The following TAGLN3 variants were observed in gnomAD, a reference collection of about 807,000 sequenced individuals.
TAGLN3 encodes transgelin 3.
In TAGLN3, 12 loss-of-function variants were observed where a neutral mutation model predicts 25.4. The ratio of observed to expected loss-of-function variants is 0.47; its 90% CI spans 0.30 to 0.77. The LOEUF (loss-of-function observed/expected upper bound fraction) is 0.77. Among genes scored for constraint, TAGLN3 ranks in the 30% least tolerant of loss-of-function variants. TAGLN3 has a pLI of 0.06. For missense variants in TAGLN3, 218 were observed against 255.8 expected, an observed-to-expected ratio of 0.85 and a Z score of 1.01; for synonymous variants, 96 against 94.8, an observed-to-expected ratio of 1.01 and a Z score of -0.08.
chr3:112,000,915 C>T lies in TAGLN3; in HGVS notation c.324C>T (p.Thr108=), dbSNP rs369661291. 2.7e-5 allele frequency: 43 copies of T among 1,613,968 alleles called. No individual in the cohort carries two copies. The highest frequency in any genetic ancestry group is 3.3e-5 in the South Asian group (3 of 91,074). Residue 108 remains threonine, a synonymous_variant, in exon 3 of 5, where the codon ACC becomes ACT. Transcript: ENST00000478951. The part of the protein sequence containing the change: ...KAAETYGVRT[T]DIFQTVDLWE... Reference sequence around the variant, plus strand: ...CGGAGACCTATGGTGTCAGAACCACCGACATCTTTCAGACGGTGGATCTAT... The same window carrying T: ...CGGAGACCTATGGTGTCAGAACCACTGACATCTTTCAGACGGTGGATCTAT...
rs769276086 is a variant in TAGLN3 at position 111,999,682 on chromosome 3, C to A, written c.180+80C>A. On this transcript the variant is annotated intron_variant, in intron 2 of 4. Transcript: ENST00000478951. ...GGCCCTTTCTTTTAACGTAAGGCTGCGGGAAGAGCTGCTGTTGCCAAGCTC... is the reference window on the plus strand; with the variant it reads ...GGCCCTTTCTTTTAACGTAAGGCTGAGGGAAGAGCTGCTGTTGCCAAGCTC... 16 of 1,521,326 alleles carry A rather than the reference C, an allele frequency of 1.1e-5. No individual in the cohort carries two copies. The Admixed American group carries it at 3.0e-4, about 28-fold the overall frequency. 94.2% of individuals were successfully genotyped at this position (1,521,326 alleles called of 1,614,324 possible). A position where few individuals can be genotyped will look rare whatever the true frequency, so the allele number is the denominator to read the frequency against.
intron 4 of TAGLN3, among the ~76,000 whole-genome samples, 160 bp from the exon 5 acceptor site, chr3:112,013,250 G>A (rs1462253447): frequency 6.7e-6 from 1 of 149,820 alleles, no homozygotes; most frequent in Non-Finnish European, 1.5e-5. Context: ...TGCAGGGTAG[G>A]GCCATAGCTC....
At chr3:112,006,713 G>A (rs1394659205) in intron 3 of TAGLN3, among the ~76,000 whole-genome samples, 2 of 152,110 alleles carry the variant, frequency 1.3e-5, no homozygotes, top group African/African-American at 4.8e-5. Context: ...ACACCCAAAT[G>A]ACTTCTCTTT....
At chr3:112,011,222 T>C (rs1395672113) in intron 3 of TAGLN3, among the ~76,000 whole-genome samples, 1 of 152,220 alleles carries the variant, frequency 6.6e-6, no homozygotes, top group African/African-American at 2.4e-5. Context: ...CATGGGTTAA[T>C]GGTCACTGGG....
chr3:112,004,912 T>C (rs914195989), intron 3 of TAGLN3, among the ~76,000 whole-genome samples: 1 of 152,184 alleles, frequency 6.6e-6, no homozygotes, highest in Non-Finnish European at 1.5e-5. Context: ...GTGGAGCTTG[T>C]ACCTCATCAG....
At chr3:112,008,803 G>A (rs531806654) in intron 3 of TAGLN3, among the ~76,000 whole-genome samples, 1 of 152,308 alleles carries the variant, frequency 6.6e-6, no homozygotes, top group South Asian at 2.1e-4. Context: ...GTGTTATTTA[G>A]AATTTTGGCA....
chr3:111,999,601 C>A lies in TAGLN3; in HGVS notation c.179C>A (p.Thr60Lys), dbSNP rs1559941173. ...TTTCAGAAATGGTTAATGGACGGGA[C>A]GGTAAGGCCGGCAGCGATCTCGGTT... ...AHFQKWLMDG[T>K]VLCKLINSLY... The change falls in exon 2 of 5, where the codon ACG becomes AAG. Residue 60 changes from threonine to lysine, a missense_variant and splice_region_variant. Coordinates refer to ENST00000478951, the MANE Select transcript of TAGLN3 (RefSeq NM_001008272.2). 4 of 1,612,426 alleles carry A rather than the reference C, an allele frequency of 2.5e-6. No homozygotes were observed. Among genetic ancestry groups the A allele is most frequent in the Admixed American group, 3.3e-5 (2 of 59,988 alleles).
chr3:112,002,149 A>G (rs1299792539), intron 3 of TAGLN3, among the ~76,000 whole-genome samples: 1 of 152,198 alleles, frequency 6.6e-6, no homozygotes, highest in Non-Finnish European at 1.5e-5. Context: ...GTAATTTCAC[A>G]GTTGAGATTT....
At chr3:112,001,594 AC>A (rs1356053858) in intron 3 of TAGLN3, among the ~76,000 whole-genome samples, 1 of 152,182 alleles carries the variant, frequency 6.6e-6, no homozygotes, top group African/African-American at 2.4e-5. Context: ...AGAATTTGGG[AC>A]CTATGGTCAT....
At chr3:112,000,661 C>A in intron 2 of TAGLN3, 111 bp from the exon 3 acceptor site, 2 of 1,245,208 alleles carry the variant, frequency 1.6e-6, no homozygotes, top group Non-Finnish European at 2.3e-6. Flanking sequence ...CCATGACTTG[C>A]TCCTGCCCAA....
chr3:112,012,225 TCCCTCCCTC>T (rs2072984340), intron 4 of TAGLN3, among the ~76,000 whole-genome samples: 2 of 79,368 alleles, frequency 2.5e-5, no homozygotes, highest in African/African-American at 1.0e-4. Flanking sequence ...GCTGCTTCCC[TCCCTCCCTC>T]CCTCCCTCCC....
At chr3:112,004,133 TTGC>T (rs1225991413) in intron 3 of TAGLN3, among the ~76,000 whole-genome samples, 1 of 152,188 alleles carries the variant, frequency 6.6e-6, no homozygotes, top group East Asian at 1.9e-4. Context: ...GGGTGACCAC[TTGC>T]TTTCAGTGAT....
At chr3:112,010,339 C>G (rs2072962300) in intron 3 of TAGLN3, among the ~76,000 whole-genome samples, 1 of 152,126 alleles carries the variant, frequency 6.6e-6, no homozygotes, top group African/African-American at 2.4e-5. Context: ...GTGATATACC[C>G]TAACCTAAGC....
rs1481447304 is a variant in TAGLN3 at position 112,013,835 on chromosome 3, TCTC to T, written c.*288_*290del. On this transcript the variant is annotated 3_prime_UTR_variant, in exon 5 of 5. Coordinates refer to ENST00000478951, the MANE Select transcript of TAGLN3 (RefSeq NM_001008272.2). ...ATTTATTTATTTATTTGCCAAAAAT[TCTC>T]CTCTTCAACTTATAGAATGCACCTA... The T allele has an allele frequency of 4.7e-6, 2 of 423,680 alleles. No individual in the cohort carries two copies. The highest frequency in any genetic ancestry group is 5.0e-5 in the East Asian group (1 of 20,044). 26.2% of individuals were successfully genotyped at this position (423,680 alleles called of 1,614,324 possible).
At chr3:112,000,679 G>A (rs1296418446) in intron 2 of TAGLN3, 93 bp from the exon 3 acceptor site, 5 of 1,392,728 alleles carry the variant, frequency 3.6e-6, no homozygotes, top group Non-Finnish European at 5.0e-6. Flanking sequence ...CAAACTGGAT[G>A]AGCAGTGTCC....
At chr3:112,004,947 G>A (rs1031063889) in intron 3 of TAGLN3, among the ~76,000 whole-genome samples, 4 of 152,042 alleles carry the variant, frequency 2.6e-5, no homozygotes, top group Admixed American at 6.6e-5. Flanking sequence ...AAATGACCAG[G>A]CTTTAGGCAT....
chr3:112,013,727 T>C lies in TAGLN3; in HGVS notation c.*176T>C, dbSNP rs1366977516. 1 of 892,570 alleles carries C rather than the reference T, an allele frequency of 1.1e-6. No individual in the cohort carries two copies. The highest frequency in any genetic ancestry group is 2.1e-4 in the Middle Eastern group (1 of 4,738). The allele number at this position is 892,570 out of a possible 1,614,324, so 55.3% of individuals were successfully genotyped here. ...CGCGTTGCCTACTGCTGCCACCTCC[T>C]GTTCATTTAGAACTATGCAAAGACT... On this transcript the variant is annotated 3_prime_UTR_variant, in exon 5 of 5. Coordinates refer to ENST00000478951, the MANE Select transcript of TAGLN3 (RefSeq NM_001008272.2).
chr3:112,013,651 C>G lies in TAGLN3; in HGVS notation c.*100C>G. 6.4e-7 allele frequency: 1 copy of G among 1,550,784 alleles called. No homozygotes were observed. The highest frequency in any genetic ancestry group is 1.9e-5 in the Admixed American group (1 of 53,538). ...CACCTTCTGACCTTCTCCTCTTTCTCAAAGCCTTCTGTCCCTGGTTTTTGC... is the reference window on the plus strand; with the variant it reads ...CACCTTCTGACCTTCTCCTCTTTCTGAAAGCCTTCTGTCCCTGGTTTTTGC... On this transcript the variant is annotated 3_prime_UTR_variant, in exon 5 of 5. Transcript: ENST00000478951.
intron 3 of TAGLN3, among the ~76,000 whole-genome samples, chr3:112,002,950 G>T (rs2072877893): frequency 6.6e-6 from 1 of 152,202 alleles, no homozygotes; most frequent in South Asian, 2.1e-4. Flanking sequence ...GGATGAGTGT[G>T]GTCGCCTGAG....
Sources: gnomAD v4.1 joint callset for allele counts (sites outside exome capture counted in the v4.1 genomes callset) on GRCh38, gnomAD v4.1.1 for gene constraint, MANE v1.5 for transcripts, NCBI Gene and HGNC (gene_info 2026-07-23, HGNC 2026-07-21) for gene names.